The following ZNF846 variants were observed in gnomAD, a reference collection of about 807,000 sequenced individuals.
ZNF846 encodes the protein zinc finger protein 420 pseudogene.
Under a neutral mutation model 16.0 loss-of-function variants are expected in ZNF846, and 15 were observed. That is an observed-to-expected ratio of 0.94 (90% CI 0.63 to 1.45). ZNF846 has a LOEUF of 1.45. Among genes scored for constraint, ZNF846 ranks in the 40% most tolerant of loss-of-function variants. The probability of loss-of-function intolerance (pLI) is 0.00; values close to 1 mark genes in which losing one functional copy is unlikely to be tolerated. For synonymous variants in ZNF846, 229 were observed against 212.0 expected, an observed-to-expected ratio of 1.08 and a Z score of -0.70; for missense variants, 714 against 622.3, an observed-to-expected ratio of 1.15 and a Z score of -1.57.
chr19:9,751,681 T>A (rs2045084885), downstream of ZNF846, among the ~76,000 whole-genome samples: 1 of 152,094 alleles, frequency 6.6e-6, no homozygotes, highest in African/African-American at 2.4e-5. Context: ...GTGAATGCAC[T>A]TTGTAACATT....
intron 1 of ZNF846, among the ~76,000 whole-genome samples, chr19:9,776,115 T>C (rs187846849): frequency 1.3e-5 from 2 of 152,304 alleles, no homozygotes; most frequent in African/African-American, 2.4e-5. Context: ...AAGACGTCCA[T>C]TGCCAGGTGG....
chr19:9,754,922 A>G (rs895230470), downstream of ZNF846, among the ~76,000 whole-genome samples: 3 of 150,978 alleles, frequency 2.0e-5, no homozygotes, highest in African/African-American at 7.4e-5. Flanking sequence ...CTGGAGTCCA[A>G]TGGTGCGATT....
chr19:9,758,687 C>A, exon 6 of ZNF846: 1 of 1,611,542 alleles, frequency 6.2e-7, no homozygotes, highest in South Asian at 1.1e-5. Flanking sequence ...TCATGTGAGT[C>A]ATAAGAAATG....
chr19:9,757,432 TCCAGATGAG>T (rs1213904500), downstream of ZNF846: 1 of 1,470,600 alleles, frequency 6.8e-7, no homozygotes. Context: ...ATGATTTTTT[TCCAGATGAG>T]TTTAGATGTA....
chr19:9,782,083 T>G (rs1306374865), intron 1 of ZNF846, among the ~76,000 whole-genome samples: 1 of 151,996 alleles, frequency 6.6e-6, no homozygotes, highest in Non-Finnish European at 1.5e-5. Flanking sequence ...GGCCTAATAA[T>G]TTTTTTAAGT....
At chr19:9,757,735 T>C (rs2045155239) in exon 6 of ZNF846, 2 of 1,613,394 alleles carry the variant, frequency 1.2e-6, no homozygotes. Flanking sequence ...TCACAGGCCT[T>C]TTCTCCAGTG....
chr19:9,760,091 A>G (rs1424438404), intron 4 of ZNF846, 149 bp from the exon 5 acceptor site: 1 of 566,446 alleles, frequency 1.8e-6, no homozygotes, highest in Non-Finnish European at 3.2e-6. Context: ...TAGGAGTTCA[A>G]GACCAGCCTG....
chr19:9,783,539 AAAAAAAT>A (rs1438000139), intron 1 of ZNF846, among the ~76,000 whole-genome samples: 115 of 123,988 alleles, frequency 9.3e-4, no homozygotes, highest in African/African-American at 3.2e-3. Flanking sequence ...AAAAAAAAAA[AAAAAAAT>A]ATATATATAT....
At chr19:9,769,075 CTTTTT>C (rs926099130), upstream of ZNF846, among the ~76,000 whole-genome samples, 1 of 152,144 alleles carries the variant, frequency 6.6e-6, no homozygotes, top group African/African-American at 2.4e-5. Context: ...CTTTTCTTTT[CTTTTT>C]TAATTTCTCT....
At chr19:9,757,645 A>G (rs1490480820) in exon 6 of ZNF846, 1 of 1,613,452 alleles carries the variant, frequency 6.2e-7, no homozygotes, top group East Asian at 2.2e-5. Context: ...TTACATGCAT[A>G]AGGCTTTTCT....
intron 1 of ZNF846, among the ~76,000 whole-genome samples, chr19:9,780,060 GTT>G (rs573248147): frequency 8.1e-6 from 1 of 122,990 alleles, no homozygotes. Context: ...TTTTTTTTTT[GTT>G]TTTTTTTTTG....
chr19:9,751,364 T>G (rs187152309), downstream of ZNF846, among the ~76,000 whole-genome samples: 3 of 152,290 alleles, frequency 2.0e-5, no homozygotes, highest in Admixed American at 2.0e-4. Flanking sequence ...CCCCAAGTTT[T>G]CACTATTCTT....
chr19:9,762,345 A>C, intron 3 of ZNF846, 177 bp from the exon 4 acceptor site: 1 of 562,212 alleles, frequency 1.8e-6, no homozygotes, highest in South Asian at 2.0e-5. Flanking sequence ...TTTTAAAATA[A>C]CAAAAATGTT....
chr19:9,770,085 T>C (rs1329706525), upstream of ZNF846, among the ~76,000 whole-genome samples: 2 of 152,140 alleles, frequency 1.3e-5, no homozygotes, highest in Non-Finnish European at 2.9e-5. Flanking sequence ...GATACAATTA[T>C]CATAGCATAC....
At chr19:9,752,461 C>T (rs1173320425) in intron 5 of ZNF846, 1 of 418,262 alleles carries the variant, frequency 2.4e-6, no homozygotes, top group Non-Finnish European at 4.8e-6. Context: ...AAAAAATACA[C>T]AAAATTAGCT....
At chr19:9,774,601 G>T (rs2045419083) in intron 1 of ZNF846, 1 of 1,511,162 alleles carries the variant, frequency 6.6e-7, no homozygotes, top group Admixed American at 1.7e-5. Flanking sequence ...TATTGACTTA[G>T]CAAGGGCTTA....
downstream of ZNF846, among the ~76,000 whole-genome samples, chr19:9,757,306 G>A (rs1466063296): frequency 6.6e-6 from 1 of 151,726 alleles, no homozygotes; most frequent in Non-Finnish European, 1.5e-5. Context: ...AAGATGTGAA[G>A]AATTACTACT....
At chr19:9,775,899 T>C (rs1402752323) in intron 1 of ZNF846, among the ~76,000 whole-genome samples, 1 of 152,206 alleles carries the variant, frequency 6.6e-6, no homozygotes, top group African/African-American at 2.4e-5. Context: ...TCATTAATCA[T>C]TAGTTTGTGG....
At chr19:9,767,545 C>T (rs1040382711) in intron 1 of ZNF846, among the ~76,000 whole-genome samples, 3 of 152,152 alleles carry the variant, frequency 2.0e-5, no homozygotes, top group Non-Finnish European at 4.4e-5. Context: ...ATATTCTGGC[C>T]TTTCACATTT....
Sources: gnomAD v4.1 joint callset for allele counts (sites outside exome capture counted in the v4.1 genomes callset) on GRCh38, gnomAD v4.1.1 for gene constraint, MANE v1.5 for transcripts, NCBI Gene and HGNC (gene_info 2026-07-23, HGNC 2026-07-21) for gene names.